SLC8A1: variants seen among roughly 807,000 people sequenced by gnomAD.
SLC8A1 encodes sodium/calcium exchanger 1.
A neutral mutation model predicts 68.3 loss-of-function variants in SLC8A1; 18 were observed. That is an observed-to-expected ratio of 0.26 (90% CI 0.18 to 0.39). The LOEUF is 0.39. SLC8A1 is among the 10% of genes least tolerant of loss of function. The probability of loss-of-function intolerance (pLI) is 1.00; values close to 1 mark genes in which losing one functional copy is unlikely to be tolerated. For synonymous variants in SLC8A1, 475 were observed against 415.5 expected, an observed-to-expected ratio of 1.14 and a Z score of -1.74; for missense variants, 985 against 1,156.7, an observed-to-expected ratio of 0.85 and a Z score of 2.15.
intron 2 of SLC8A1, among the ~76,000 whole-genome samples, chr2:40,337,637 C>A (rs974337174): frequency 3.3e-5 from 5 of 152,170 alleles, no homozygotes; most frequent in Non-Finnish European, 5.9e-5. Context: ...TAACCACAAT[C>A]TCCTAAACCT....
chr2:40,353,490 C>G (rs918225055), intron 2 of SLC8A1, among the ~76,000 whole-genome samples: 2 of 152,058 alleles, frequency 1.3e-5, no homozygotes, highest in African/African-American at 4.8e-5. Flanking sequence ...ACCTTAACCT[C>G]CCTCCTCTCA....
intron 2 of SLC8A1, among the ~76,000 whole-genome samples, chr2:40,411,501 G>T (rs1203102916): frequency 5.9e-5 from 9 of 151,730 alleles, no homozygotes; most frequent in African/African-American, 1.9e-4. Flanking sequence ...TTAGCCTAAA[G>T]AACTAATCTA....
At chr2:40,140,859 A>G (rs1366493455) in intron 6 of SLC8A1, among the ~76,000 whole-genome samples, 2 of 152,170 alleles carry the variant, frequency 1.3e-5, no homozygotes, top group African/African-American at 4.8e-5. Flanking sequence ...CAATTTTGCC[A>G]ATTAAGTCAT....
At chr2:40,307,244 A>C (rs2072824669) in intron 2 of SLC8A1, among the ~76,000 whole-genome samples, 1 of 152,158 alleles carries the variant, frequency 6.6e-6, no homozygotes, top group African/African-American at 2.4e-5. Context: ...TCCCTGTCAC[A>C]TGGTACACGG....
At chr2:40,441,963 C>A (rs1042652898) in intron 1 of SLC8A1, among the ~76,000 whole-genome samples, 1 of 144,858 alleles carries the variant, frequency 6.9e-6, no homozygotes, top group African/African-American at 2.6e-5. Context: ...AAGAAACTAG[C>A]ATCGTTTTCT....
intron 2 of SLC8A1, among the ~76,000 whole-genome samples, chr2:40,299,833 C>T (rs1430958551): frequency 6.6e-6 from 1 of 152,138 alleles, no homozygotes; most frequent in East Asian, 1.9e-4. Context: ...AAGGAGCAGA[C>T]CTCTCTCCCT....
chr2:40,174,941 G>T, intron 3 of SLC8A1, 99 bp from the exon 5 acceptor site: 1 of 1,096,320 alleles, frequency 9.1e-7, no homozygotes, highest in Non-Finnish European at 1.4e-6. Flanking sequence ...CAAGGTACTT[G>T]CCAAATTATA....
At chr2:40,234,148 G>A (rs62148827) in intron 2 of SLC8A1, among the ~76,000 whole-genome samples, 3,614 of 152,042 alleles carry the variant, frequency 0.024, 62 homozygotes, top group African/African-American at 0.055. Flanking sequence ...AGGCATTGGT[G>A]GCTTGATGGG....
intron 2 of SLC8A1, among the ~76,000 whole-genome samples, chr2:40,232,613 T>TA (rs398104222): frequency 7.6e-5 from 11 of 144,480 alleles, no homozygotes; most frequent in Admixed American, 1.4e-4. Context: ...TTTTTTTTTT[T>TA]ATATACTTTA....
At chr2:40,191,822 C>G (rs1032543327) in intron 2 of SLC8A1, among the ~76,000 whole-genome samples, 2 of 152,094 alleles carry the variant, frequency 1.3e-5, no homozygotes, top group African/African-American at 4.8e-5. Context: ...AAAAGCGAAT[C>G]TTCACCCCTA....
intron 2 of SLC8A1, among the ~76,000 whole-genome samples, chr2:40,246,263 A>T (rs674128): frequency 0.17 from 26,433 of 152,164 alleles, 3,081 homozygotes; most frequent in African/African-American, 0.32. Flanking sequence ...TTTACTTTAG[A>T]AATACATTCT....
intron 2 of SLC8A1, among the ~76,000 whole-genome samples, chr2:40,316,024 A>G (rs532994136): frequency 2.3e-4 from 35 of 152,168 alleles, no homozygotes; most frequent in African/African-American, 7.9e-4. Context: ...TACAAGCATC[A>G]CATGCAAAAA....
chr2:40,430,632 T>C (rs1055062574), intron 1 of SLC8A1, among the ~76,000 whole-genome samples: 11 of 152,232 alleles, frequency 7.2e-5, no homozygotes, highest in Admixed American at 3.9e-4. Flanking sequence ...CCTTGCCTTA[T>C]TAAACACACA....
At position 40,397,248 on chromosome 2, in the gene SLC8A1, T is replaced by G. The variant is rs533774914; in HGVS notation, c.1808+31225A>C. 1.8e-4 allele frequency among the ~76,000 whole-genome samples: 28 copies of G among 152,320 alleles called. No homozygotes were observed. In the South Asian group the frequency reaches 5.4e-3, roughly 29 times the overall value. ...ATTGTATTCCACTGTCAGCTGCTAGTGTATACATGTCATGAGCTAATGTGC... is the reference window on the plus strand; with the variant it reads ...ATTGTATTCCACTGTCAGCTGCTAGGGTATACATGTCATGAGCTAATGTGC... On this transcript the variant is annotated intron_variant, in intron 2 of 7. Transcript: ENST00000406785.
chr2:40,303,546 A>T (rs2071954501), intron 2 of SLC8A1, among the ~76,000 whole-genome samples: 1 of 152,134 alleles, frequency 6.6e-6, no homozygotes. Flanking sequence ...AATTTGGGGA[A>T]CCTCTAGGTA....
intron 2 of SLC8A1, among the ~76,000 whole-genome samples, chr2:40,348,379 G>C (rs1460845888): frequency 1.3e-5 from 2 of 152,154 alleles, no homozygotes; most frequent in African/African-American, 4.8e-5. Context: ...ACTCCAAAAA[G>C]AGAAGATCAG....
intron 1 of SLC8A1, among the ~76,000 whole-genome samples, chr2:40,441,936 G>C (rs983183101): frequency 6.6e-6 from 1 of 151,114 alleles, no homozygotes; most frequent in Admixed American, 6.6e-5. Context: ...TTAAACCAAA[G>C]AGCTTCTGCA....
At chr2:40,222,923 G>A (rs933700946) in intron 2 of SLC8A1, among the ~76,000 whole-genome samples, 20 of 152,200 alleles carry the variant, frequency 1.3e-4, no homozygotes, top group African/African-American at 4.8e-4. Flanking sequence ...TTTGTTGGGA[G>A]TATAAATTAG....
chr2:40,431,535 C>A (rs375466210), intron 1 of SLC8A1, among the ~76,000 whole-genome samples: 1 of 152,094 alleles, frequency 6.6e-6, no homozygotes, highest in Non-Finnish European at 1.5e-5. Flanking sequence ...TCAGACCTTA[C>A]ATCCCTTCTG....
Sources: allele counts gnomAD v4.1 joint callset (sites outside exome capture counted in the v4.1 genomes callset), GRCh38; gene constraint gnomAD v4.1.1; transcripts MANE v1.5; gene names NCBI Gene and HGNC (gene_info 2026-07-23, HGNC 2026-07-21).